LRMDA: variants seen among roughly 807,000 people sequenced by gnomAD.
The protein encoded by LRMDA is leucine rich melanocyte differentiation associated, also known as leucine-rich melanocyte differentiation-associated protein.
A neutral mutation model predicts 29.8 loss-of-function variants in LRMDA; 18 were observed. The observed-to-expected ratio is 0.60, with a 90% CI of 0.42 to 0.90. LRMDA has a LOEUF of 0.90. Ranked by LOEUF, LRMDA falls within the 40% of genes least tolerant of loss-of-function variation. The pLI is 0.00. For synonymous variants in LRMDA, 125 were observed against 109.4 expected (o/e 1.14, Z -0.89); for missense variants, 273 against 273.9 (o/e 1.00, Z 0.02).
intron 2 of LRMDA, among the ~76,000 whole-genome samples, chr10:75,978,911 A>AT (rs1247364875): frequency 6.6e-6 from 1 of 152,200 alleles, no homozygotes; most frequent in African/African-American, 2.4e-5. Flanking sequence ...GCATATAGAG[A>AT]TGAGCCAGGC....
intron 2 of LRMDA, among the ~76,000 whole-genome samples, chr10:75,840,129 T>C (rs1261945243): frequency 6.6e-6 from 1 of 152,176 alleles, no homozygotes; most frequent in African/African-American, 2.4e-5. Context: ...TCTACTTCTT[T>C]CCCTTCCTTC....
At chr10:76,182,888 G>T (rs1301293402) in intron 5 of LRMDA, among the ~76,000 whole-genome samples, 1 of 152,200 alleles carries the variant, frequency 6.6e-6, no homozygotes, top group Non-Finnish European at 1.5e-5. Flanking sequence ...ATGGTGAGCA[G>T]CATCAAGGGT....
At chr10:76,291,382 ATCT>A (rs1370079346) in intron 5 of LRMDA, among the ~76,000 whole-genome samples, 4 of 152,328 alleles carry the variant, frequency 2.6e-5, no homozygotes, top group South Asian at 2.1e-4. Context: ...TCTATTTATG[ATCT>A]TCTAATGACT....
intron 5 of LRMDA, among the ~76,000 whole-genome samples, chr10:76,287,494 G>A (rs1840287235): frequency 6.6e-6 from 1 of 152,018 alleles, no homozygotes; most frequent in Non-Finnish European, 1.5e-5. Context: ...TAAGCAATTT[G>A]AGGACAGAGA....
chr10:75,864,837 C>T (rs1231881601), intron 2 of LRMDA, among the ~76,000 whole-genome samples: 1 of 152,148 alleles, frequency 6.6e-6, no homozygotes, highest in Non-Finnish European at 1.5e-5. Context: ...CTAGGCCACT[C>T]ATCATAATTA....
chr10:76,340,726 T>G (rs1351763475), intron 6 of LRMDA, among the ~76,000 whole-genome samples: 1 of 152,034 alleles, frequency 6.6e-6, no homozygotes, highest in Non-Finnish European at 1.5e-5. Context: ...AGAAGGACTA[T>G]TCTACATTCC....
chr10:75,482,333 C>T (rs955700858), intron 2 of LRMDA, among the ~76,000 whole-genome samples: 1 of 152,202 alleles, frequency 6.6e-6, no homozygotes, highest in African/African-American at 2.4e-5. Flanking sequence ...CTGCAGTCTG[C>T]AACCTGGGTT....
chr10:76,466,133 T>A (rs1490808028), intron 6 of LRMDA, among the ~76,000 whole-genome samples: 1 of 152,026 alleles, frequency 6.6e-6, no homozygotes, highest in Non-Finnish European at 1.5e-5. Flanking sequence ...AACATAGTAA[T>A]TGCAAGAAGC....
chr10:75,806,364 T>G (rs1843852352), intron 2 of LRMDA, among the ~76,000 whole-genome samples: 1 of 152,230 alleles, frequency 6.6e-6, no homozygotes, highest in Non-Finnish European at 1.5e-5. Context: ...TCATATCTCT[T>G]GTACTTTGCT....
intron 2 of LRMDA, among the ~76,000 whole-genome samples, chr10:76,004,568 A>ACC (rs1450014383): frequency 1.3e-5 from 2 of 152,138 alleles, no homozygotes; most frequent in Non-Finnish European, 2.9e-5. Flanking sequence ...CAGACTGGCC[A>ACC]CCCCCAGGTC....
chr10:75,575,202 G>C (rs547860772), intron 2 of LRMDA, among the ~76,000 whole-genome samples: 1 of 152,300 alleles, frequency 6.6e-6, no homozygotes, highest in South Asian at 2.1e-4. Context: ...TACAGCATTT[G>C]AGATTATAAT....
At chr10:75,760,739 G>T (rs1450765700) in intron 2 of LRMDA, among the ~76,000 whole-genome samples, 7 of 152,218 alleles carry the variant, frequency 4.6e-5, no homozygotes, top group Non-Finnish European at 5.9e-5. Flanking sequence ...AGATCCATCA[G>T]TGAAATAGCT....
At chr10:76,315,604 G>A (rs4619089) in intron 5 of LRMDA, among the ~76,000 whole-genome samples, 4,915 of 86,640 alleles carry the variant, frequency 0.057, 133 homozygotes, top group African/African-American at 0.084. Flanking sequence ...GTCAGTGAGC[G>A]CAGGAAGCAG....
At chr10:76,146,888 C>A (rs984348495) in intron 5 of LRMDA, among the ~76,000 whole-genome samples, 8 of 152,304 alleles carry the variant, frequency 5.3e-5, no homozygotes, top group Admixed American at 6.5e-5. Flanking sequence ...CTGCTGGTGA[C>A]AAAATCTCTC....
intron 6 of LRMDA, among the ~76,000 whole-genome samples, chr10:76,424,984 T>C (rs988997515): frequency 2.6e-5 from 4 of 152,186 alleles, no homozygotes; most frequent in African/African-American, 9.6e-5. Flanking sequence ...TTCTCCCCAT[T>C]AGCATCTCAG....
chr10:75,594,094 G>A (rs1706958798), intron 2 of LRMDA, among the ~76,000 whole-genome samples: 1 of 152,164 alleles, frequency 6.6e-6, no homozygotes, highest in Non-Finnish European at 1.5e-5. Context: ...TGGAAACCTG[G>A]CCACTCTTCT....
chr10:76,222,703 A>T lies in LRMDA; in HGVS notation c.517-101698A>T, dbSNP rs549073848. 5.3e-5 allele frequency among the ~76,000 whole-genome samples: 8 copies of T among 152,356 alleles called. No individual in the cohort carries two copies. In the East Asian group the frequency reaches 1.5e-3, roughly 29 times the overall value. ...AACTAGTTCAACCCTTGTGGAAGTCAGTGTGGCGATTCCTTGGATCTAGAA... is the reference window on the plus strand; with the variant it reads ...AACTAGTTCAACCCTTGTGGAAGTCTGTGTGGCGATTCCTTGGATCTAGAA... On this transcript the variant is annotated intron_variant, in intron 5 of 6. Coordinates refer to ENST00000611255, the MANE Select transcript of LRMDA (RefSeq NM_001305581.2).
chr10:76,193,091 A>G (rs931259421), intron 5 of LRMDA, among the ~76,000 whole-genome samples: 1 of 152,174 alleles, frequency 6.6e-6, no homozygotes, highest in African/African-American at 2.4e-5. Flanking sequence ...GCTAGGTTGC[A>G]TAAATATTTA....
chr10:76,486,939 T>C (rs1842787968), intron 6 of LRMDA, among the ~76,000 whole-genome samples: 1 of 151,948 alleles, frequency 6.6e-6, no homozygotes, highest in African/African-American at 2.4e-5. Flanking sequence ...GATACAGTTT[T>C]AACTACTTCT....
Sources: allele counts gnomAD v4.1 joint callset (sites outside exome capture counted in the v4.1 genomes callset), GRCh38; gene constraint gnomAD v4.1.1; transcripts MANE v1.5; gene names NCBI Gene and HGNC (gene_info 2026-07-23, HGNC 2026-07-21).